ADCY5: variants seen among roughly 807,000 people sequenced by gnomAD.
ADCY5 encodes the protein adenylate cyclase 5.
Under a neutral mutation model 119.7 loss-of-function variants are expected in ADCY5, and 30 were observed. The observed-to-expected ratio is 0.25, with a 90% CI of 0.19 to 0.34. The LOEUF is 0.34. ADCY5 is among the 10% of genes least tolerant of loss of function. The pLI is 1.00. For synonymous variants in ADCY5, 753 were observed against 762.2 expected (o/e 0.99, Z 0.20); for missense variants, 1,324 against 1,775.2 (o/e 0.75, Z 4.57).
chr3:123,288,440 T>C (rs1938922506), intron 19 of ADCY5, among the ~76,000 whole-genome samples: 1 of 152,224 alleles, frequency 6.6e-6, no homozygotes, highest in Non-Finnish European at 1.5e-5. Context: ...TCAGAAAGCA[T>C]TCTTTACCTC....
At chr3:123,384,197 C>A (rs1199208467) in intron 1 of ADCY5, among the ~76,000 whole-genome samples, 2 of 152,188 alleles carry the variant, frequency 1.3e-5, no homozygotes, top group Non-Finnish European at 2.9e-5. Flanking sequence ...CAAGAAAAGA[C>A]CCTGAGGGAG....
chr3:123,408,581 A>T (rs1944964419), intron 1 of ADCY5, among the ~76,000 whole-genome samples: 1 of 151,826 alleles, frequency 6.6e-6, no homozygotes, highest in African/African-American at 2.4e-5. Context: ...ACTTGAACCC[A>T]GGAGGCGCAG....
rs997415275 is a variant in ADCY5 at position 123,348,427 on chromosome 3, G to A, written c.1285-524C>T. Among the ~76,000 whole-genome samples the A allele has an allele frequency of 2.6e-5, 4 of 152,280 alleles. No individual in the cohort carries two copies. In the East Asian group the frequency reaches 7.7e-4, roughly 29 times the overall value. On this transcript the variant is annotated intron_variant, in intron 2 of 20. Coordinates refer to ENST00000462833, the MANE Select transcript of ADCY5 (RefSeq NM_183357.3). ...TAACACCAAGAGTGAGACAGGCAAG[G>A]TTCCTCCTTCAGAAAGCTTCCGGTG...
At chr3:123,402,913 A>G (rs1240792783) in intron 1 of ADCY5, among the ~76,000 whole-genome samples, 1 of 151,954 alleles carries the variant, frequency 6.6e-6, no homozygotes, top group Non-Finnish European at 1.5e-5. Context: ...TTCGCAGGGA[A>G]GATGTATTTA....
Position 123,326,233 on chromosome 3 carries a change from A to C in ADCY5, c.1948-771T>G, listed in dbSNP as rs1224479934. On this transcript the variant is annotated intron_variant, in intron 7 of 20. Coordinates refer to ENST00000462833, the MANE Select transcript of ADCY5 (RefSeq NM_183357.3). ...TTATGAGATTCAAGAGCTGACAGGC[A>C]TTGTACAAATACACAGAGTCTCAGT... Among the ~76,000 whole-genome samples, 10 of 152,370 alleles carry C rather than the reference A, an allele frequency of 6.6e-5. 1 individual carries two copies. In the South Asian group the frequency reaches 1.9e-3, roughly 28 times the overall value.
rs1456971011 is a variant in ADCY5, at chr3:123,326,017, G to T, written c.1948-555C>A. On this transcript the variant is annotated intron_variant, in intron 7 of 20. Transcript: ENST00000462833. ...AGGCTTTGCTCATGGGCAGGCCAGG[G>T]TAGGGCTCTAGCTACAGCCTCAAGG... is the stretch of plus-strand genomic sequence containing the variant. Among the ~76,000 whole-genome samples, 4 of 152,198 alleles carry T rather than the reference G, an allele frequency of 2.6e-5. No individual in the cohort carries two copies. In the East Asian group the frequency reaches 7.7e-4, roughly 29 times the overall value.
At chr3:123,379,563 C>T (rs1365693370) in intron 1 of ADCY5, among the ~76,000 whole-genome samples, 2 of 152,022 alleles carry the variant, frequency 1.3e-5, no homozygotes, top group African/African-American at 4.8e-5. Context: ...CAGCCACCAT[C>T]GCTGCTGTGA....
chr3:123,434,621 T>C (rs1165887821), intron 1 of ADCY5, among the ~76,000 whole-genome samples: 2 of 152,228 alleles, frequency 1.3e-5, no homozygotes, highest in Non-Finnish European at 1.5e-5. Context: ...TTGAGCCTTT[T>C]GGCTGGTATT....
intron 3 of ADCY5, among the ~76,000 whole-genome samples, chr3:123,346,028 T>C (rs979452557): frequency 3.3e-5 from 5 of 152,232 alleles, no homozygotes; most frequent in Non-Finnish European, 5.9e-5. Context: ...TTTTCTCTCC[T>C]GTAAAATGGA....
intron 3 of ADCY5, among the ~76,000 whole-genome samples, chr3:123,335,516 T>C (rs1559816543): frequency 6.6e-6 from 1 of 152,162 alleles, no homozygotes; most frequent in Non-Finnish European, 1.5e-5. Context: ...CTCCACACTT[T>C]AGGAGTTGAA....
chr3:123,389,773 T>C (rs1368418663), intron 1 of ADCY5, among the ~76,000 whole-genome samples: 3 of 152,222 alleles, frequency 2.0e-5, no homozygotes, highest in Non-Finnish European at 4.4e-5. Flanking sequence ...TCCGTGGCTC[T>C]GAATAGGACA....
In ADCY5 at chr3:123,296,910, A is replaced by AC. The variant is rs567632303; in HGVS notation, c.2930+442dup. 3,683 of 1,344,688 alleles carry AC rather than the reference A, an allele frequency of 2.7e-3. 9 individuals carry two copies. The highest frequency in any genetic ancestry group is 3.5e-3 in the Non-Finnish European group (3,494 of 998,988). The allele number at this position is 1,344,688 out of a possible 1,614,324, so 83.3% of individuals were successfully genotyped here. A position where few individuals can be genotyped will look rare whatever the true frequency, so the allele number is the denominator to read the frequency against. On this transcript the variant is annotated intron_variant, in intron 16 of 20. Transcript: ENST00000462833. The stretch of plus-strand genomic sequence containing the variant: ...GGAAGGCTGCACAGAGGCTCCAGTG[A>AC]CCCCCCGCCCCTTGCCCAGGCAGCA...
At chr3:123,396,995 A>T (rs1354143356) in intron 1 of ADCY5, among the ~76,000 whole-genome samples, 1 of 152,130 alleles carries the variant, frequency 6.6e-6, no homozygotes, top group Non-Finnish European at 1.5e-5. Flanking sequence ...CGGAACTGGG[A>T]AAGGAAGAAA....
At chr3:123,298,032 CT>C (rs1457408027) in intron 15 of ADCY5, among the ~76,000 whole-genome samples, 4 of 151,960 alleles carry the variant, frequency 2.6e-5, no homozygotes, top group African/African-American at 9.7e-5. Flanking sequence ...CAAAGTCTTG[CT>C]CTATCTTCCA....
At chr3:123,443,124 G>A (rs904127242) in intron 1 of ADCY5, among the ~76,000 whole-genome samples, 3 of 152,198 alleles carry the variant, frequency 2.0e-5, no homozygotes, top group African/African-American at 4.8e-5. Flanking sequence ...CACCAGACAG[G>A]CCTCTGGGCC....
chr3:123,424,210 G>A (rs577121061), intron 1 of ADCY5, among the ~76,000 whole-genome samples: 4 of 152,340 alleles, frequency 2.6e-5, no homozygotes, highest in African/African-American at 7.2e-5. Flanking sequence ...ATGGTGGGCA[G>A]GGCTGGGCAC....
At chr3:123,436,984 GA>G (rs1171492797) in intron 1 of ADCY5, among the ~76,000 whole-genome samples, 2 of 152,108 alleles carry the variant, frequency 1.3e-5, no homozygotes, top group Non-Finnish European at 2.9e-5. Flanking sequence ...GATTCTCCTA[GA>G]AAAAGCCCCT....
chr3:123,408,248 G>A (rs543651299), intron 1 of ADCY5, among the ~76,000 whole-genome samples: 2 of 151,914 alleles, frequency 1.3e-5, no homozygotes, highest in South Asian at 2.1e-4. Flanking sequence ...TTTCAGTGTC[G>A]TTATGAGAAT....
intron 3 of ADCY5, among the ~76,000 whole-genome samples, chr3:123,341,930 TA>T (rs952433782): frequency 2.6e-5 from 4 of 151,046 alleles, no homozygotes; most frequent in African/African-American, 7.3e-5. Context: ...TCAGAATACT[TA>T]AAAAAAAATA....
Sources: allele counts gnomAD v4.1 joint callset (sites outside exome capture counted in the v4.1 genomes callset), GRCh38; gene constraint gnomAD v4.1.1; transcripts MANE v1.5; gene names NCBI Gene and HGNC (gene_info 2026-07-23, HGNC 2026-07-21).